CACNA1D: variants seen among roughly 807,000 people sequenced by gnomAD.
CACNA1D encodes calcium voltage-gated channel subunit alpha1 D.
A neutral mutation model predicts 257.1 loss-of-function variants in CACNA1D; 55 were observed. The ratio of observed to expected loss-of-function variants is 0.21; its 90% CI spans 0.17 to 0.27. The LOEUF (loss-of-function observed/expected upper bound fraction) is 0.27, where lower values mean the gene tolerates loss of function less well. Among genes scored for constraint, CACNA1D ranks in the 10% least tolerant of loss-of-function variants. CACNA1D has a pLI of 1.00. For missense variants in CACNA1D, 1,876 were observed against 2,784.0 expected (o/e 0.67, Z 7.34); for synonymous variants, 980 against 1,014.9 (o/e 0.97, Z 0.65).
At position 53,728,581 on chromosome 3, in the gene CACNA1D, C is replaced by T. The variant is rs370435091; in HGVS notation, c.2221+1582C>T. 7.7e-4 allele frequency among the ~76,000 whole-genome samples: 118 copies of T among 152,306 alleles called. 1 individual carries two copies. The highest frequency in any genetic ancestry group is 2.8e-3 in the African/African-American group (115 of 41,578). On this transcript the variant is annotated intron_variant, in intron 15 of 47. Transcript: ENST00000350061. ...AGTTGGCCCTTGGTAAATGAAAGGT[C>T]ATTATTTTCTTTTTCTGCTGTCCTA...
intron 9 of CACNA1D, among the ~76,000 whole-genome samples, chr3:53,706,806 ATTC>A (rs1000590869): frequency 1.3e-5 from 2 of 152,062 alleles, no homozygotes; most frequent in African/African-American, 4.8e-5. Flanking sequence ...AATGCCTATT[ATTC>A]CATCCACACC....
rs1251743802 is a variant in CACNA1D at position 53,706,923 on chromosome 3, A to G, written c.1390+4113A>G. 2.0e-5 allele frequency among the ~76,000 whole-genome samples: 3 copies of G among 152,272 alleles called. No homozygotes were observed. In the East Asian group the frequency reaches 5.8e-4, roughly 29 times the overall value. On this transcript the variant is annotated intron_variant, in intron 9 of 47. Coordinates refer to ENST00000350061, the MANE Select transcript of CACNA1D (RefSeq NM_001128840.3). Reference sequence around the variant, plus strand: ...TTTTTGAAGGTTCTCCTAGACCGCTAACCAGCCTCAGGGTGGGGCCTCCCT... The same window carrying G: ...TTTTTGAAGGTTCTCCTAGACCGCTGACCAGCCTCAGGGTGGGGCCTCCCT...
intron 20 of CACNA1D, among the ~76,000 whole-genome samples, chr3:53,738,750 A>G (rs916722334): frequency 2.0e-5 from 3 of 152,044 alleles, no homozygotes; most frequent in Non-Finnish European, 4.4e-5. Context: ...CCTTAGCCGA[A>G]TTCTTAGTTT....
At position 53,516,139 on chromosome 3, in the gene CACNA1D, T is replaced by C. The variant is rs545478231; in HGVS notation, c.483+14419T>C. 2.8e-4 allele frequency among the ~76,000 whole-genome samples: 42 copies of C among 152,330 alleles called. 1 individual carries two copies. The South Asian group carries it at 8.7e-3, about 32-fold the overall frequency. ...CTTTGTGAGGAGTCAATACAAATAA[T>C]GTGCGAGGGAGCTCTCATTTACCAG... On this transcript the variant is annotated intron_variant, in intron 3 of 47. Coordinates refer to ENST00000350061, the MANE Select transcript of CACNA1D (RefSeq NM_001128840.3).
intron 3 of CACNA1D, among the ~76,000 whole-genome samples, chr3:53,601,771 G>T (rs2093445666): frequency 6.6e-6 from 1 of 152,270 alleles, no homozygotes; most frequent in East Asian, 1.9e-4. Flanking sequence ...CACGATCTCA[G>T]CTTGTCTTGG....
In CACNA1D at chr3:53,502,140, C is replaced by G. The variant is rs2090632772; in HGVS notation, c.483+420C>G. ...CTGGTAAGTAGAGAATTATCGTAGA[C>G]TTTGTACATGAACTATTTTTAGAGA... On this transcript the variant is annotated intron_variant, in intron 3 of 47. Coordinates refer to ENST00000350061, the MANE Select transcript of CACNA1D (RefSeq NM_001128840.3). Among the ~76,000 whole-genome samples the G allele has an allele frequency of 2.0e-5, 3 of 150,896 alleles. No homozygotes were observed. The South Asian group carries it at 6.3e-4, about 31-fold the overall frequency.
intron 8 of CACNA1D, among the ~76,000 whole-genome samples, chr3:53,689,729 G>A (rs1335441847): frequency 6.6e-6 from 1 of 152,148 alleles, no homozygotes; most frequent in Admixed American, 6.5e-5. Context: ...TGCGATTGTA[G>A]CTCATTGCAG....
intron 3 of CACNA1D, among the ~76,000 whole-genome samples, chr3:53,583,317 C>T (rs1359940861): frequency 1.3e-5 from 2 of 152,086 alleles, no homozygotes; most frequent in Admixed American, 1.3e-4. Flanking sequence ...CTGCCTGGTC[C>T]CTACCTGACC....
intron 3 of CACNA1D, among the ~76,000 whole-genome samples, chr3:53,628,665 G>T (rs2093787392): frequency 6.6e-6 from 1 of 152,150 alleles, no homozygotes; most frequent in African/African-American, 2.4e-5. Flanking sequence ...ATTCTGAATT[G>T]CAGTGTGTCC....
rs10707009 is a variant in CACNA1D at position 53,673,562 on chromosome 3, GAAAA to G, written c.1220+448_1220+451del. The G allele has an allele frequency of 7.6e-5, 45 of 590,240 alleles. No individual in the cohort carries two copies. Among genetic ancestry groups the G allele is most frequent in the South Asian group, 1.4e-4 (7 of 50,320 alleles). The allele number at this position is 590,240 out of a possible 1,614,324, so 36.6% of individuals were successfully genotyped here. ...GCCGCTGAGCTTGTCCTTATTTGCA[GAAAA>G]AAAAAAAAAAAGGGAAGGACCTAGG... On this transcript the variant is annotated intron_variant, in intron 8 of 47. Coordinates refer to ENST00000350061, the MANE Select transcript of CACNA1D (RefSeq NM_001128840.3). The surrounding 1 kb of genome is among the most constrained non-coding windows in gnomAD (Gnocchi z 4.1).
At chr3:53,611,307 T>C (rs2093580187) in intron 3 of CACNA1D, among the ~76,000 whole-genome samples, 2 of 152,152 alleles carry the variant, frequency 1.3e-5, no homozygotes, top group South Asian at 2.1e-4. Context: ...ATTGCTTAAG[T>C]CCAGGAGTTG....
intron 3 of CACNA1D, among the ~76,000 whole-genome samples, chr3:53,555,461 T>G (rs1268643937): frequency 4.0e-5 from 4 of 99,338 alleles, no homozygotes; most frequent in East Asian, 2.5e-4. Flanking sequence ...TGTGTGTGTG[T>G]TTTTTTTTTT....
Position 53,673,748 on chromosome 3 carries a change from G to A in CACNA1D, c.1220+622G>A, listed in dbSNP as rs751284609. On this transcript the variant is annotated intron_variant, in intron 8 of 47. Coordinates refer to ENST00000350061, the MANE Select transcript of CACNA1D (RefSeq NM_001128840.3). The surrounding 1 kb of genome is among the most constrained non-coding windows in gnomAD (Gnocchi z 4.1). ...CGATAGGATGGGAATGGCCATGGGT[G>A]TATTTTGTTAGTCTGATCATCCTTG... 5.6e-6 allele frequency: 9 copies of A among 1,613,878 alleles called. No individual in the cohort carries two copies. In the Admixed American group the frequency reaches 1.2e-4, roughly 21 times the overall value.
At position 53,791,057 on chromosome 3, in the gene CACNA1D, A is replaced by G. The variant is rs990504042; in HGVS notation, c.4923+4105A>G. 4.3e-6 allele frequency: 3 copies of G among 700,556 alleles called. No individual in the cohort carries two copies. The African/African-American group carries it at 5.2e-5, about 12-fold the overall frequency. The allele number at this position is 700,556 out of a possible 1,614,324, so 43.4% of individuals were successfully genotyped here. On this transcript the variant is annotated intron_variant, in intron 40 of 47. Coordinates refer to ENST00000350061, the MANE Select transcript of CACNA1D (RefSeq NM_001128840.3). ...GGTTAGTCGGAAGGCGTTTGTGGCT[A>G]AGGCCTTGAAAGGGAAAAGTCTCAA...
At chr3:53,596,294 A>G (rs950752106) in intron 3 of CACNA1D, among the ~76,000 whole-genome samples, 1 of 151,502 alleles carries the variant, frequency 6.6e-6, no homozygotes, top group African/African-American at 2.4e-5. Flanking sequence ...CTTACTCTGC[A>G]TGTGTGTGCA....
chr3:53,575,642 C>T (rs566678515), intron 3 of CACNA1D, among the ~76,000 whole-genome samples: 1 of 152,230 alleles, frequency 6.6e-6, no homozygotes, highest in Admixed American at 6.5e-5. Flanking sequence ...AAACTAACAG[C>T]CCAGTAGACA....
chr3:53,647,634 A>G (rs1272092243), intron 3 of CACNA1D, among the ~76,000 whole-genome samples: 1 of 152,206 alleles, frequency 6.6e-6, no homozygotes, highest in Non-Finnish European at 1.5e-5. Context: ...CTTTTCTCAA[A>G]TGAACAATCC....
At chr3:53,767,197 C>G (rs1252478524) in intron 30 of CACNA1D, among the ~76,000 whole-genome samples, 1 of 152,132 alleles carries the variant, frequency 6.6e-6, no homozygotes, top group African/African-American at 2.4e-5. Context: ...CTACTCGGGC[C>G]AGCTTTACCC....
chr3:53,730,470 C>A lies in CACNA1D; in HGVS notation c.2250C>A (p.Ile750=), dbSNP rs41276445. 3.3e-4 allele frequency: 537 copies of A among 1,613,408 alleles called. No homozygotes were observed. Among genetic ancestry groups the A allele is most frequent in the Middle Eastern group, 8.3e-4 (5 of 6,060 alleles). ...NYILLNVFLA[I]AVDNLADAES... Reference sequence around the variant, plus strand: ...TTCTACTGAATGTCTTCTTGGCCATCGCTGTAGACAATTTGGCTGATGCTG... The same window carrying A: ...TTCTACTGAATGTCTTCTTGGCCATAGCTGTAGACAATTTGGCTGATGCTG... The change falls in exon 16 of 48, where the codon ATC becomes ATA. Residue 750 remains isoleucine, a synonymous_variant. Coordinates refer to ENST00000350061, the MANE Select transcript of CACNA1D (RefSeq NM_001128840.3).
Sources: allele counts gnomAD v4.1 joint callset (sites outside exome capture counted in the v4.1 genomes callset), GRCh38; gene constraint gnomAD v4.1.1; non-coding constraint Gnocchi (gnomAD v3.1); transcripts MANE v1.5; gene names NCBI Gene and HGNC (gene_info 2026-07-23, HGNC 2026-07-21).